Variants in CTNNA3 observed in about 807,000 individuals in gnomAD.
The protein encoded by CTNNA3 is catenin alpha-3.
Under a neutral mutation model 95.7 loss-of-function variants are expected in CTNNA3, and 76 were observed. The ratio of observed to expected loss-of-function variants is 0.79; its 90% CI spans 0.66 to 0.96. The LOEUF is 0.96. Ranked by LOEUF, CTNNA3 falls within the 40% of genes least tolerant of loss-of-function variation. The pLI is 0.00. For missense variants in CTNNA3, 1,191 were observed against 1,089.8 expected (o/e 1.09, Z -1.31); for synonymous variants, 431 against 374.4 (o/e 1.15, Z -1.74).
intron 7 of CTNNA3, among the ~76,000 whole-genome samples, chr10:66,829,612 C>A (rs200596002): frequency 6.9e-4 from 94 of 136,702 alleles, no homozygotes; most frequent in South Asian, 7.3e-4. Flanking sequence ...GACTCTGTCT[C>A]AAAAAAAAAA....
intron 9 of CTNNA3, among the ~76,000 whole-genome samples, chr10:66,638,809 A>T (rs1845421724): frequency 6.6e-6 from 1 of 151,720 alleles, no homozygotes; most frequent in South Asian, 2.1e-4. Flanking sequence ...CCCATTCGTT[A>T]TTCTTGTCAC....
chr10:66,739,467 C>A (rs1160728551), intron 9 of CTNNA3, among the ~76,000 whole-genome samples: 1 of 152,176 alleles, frequency 6.6e-6, no homozygotes, highest in Non-Finnish European at 1.5e-5. Context: ...TGTATTTTCA[C>A]AGCTATCCCA....
chr10:66,244,326 C>G (rs1589834169), intron 13 of CTNNA3, among the ~76,000 whole-genome samples: 1 of 152,220 alleles, frequency 6.6e-6, no homozygotes, highest in South Asian at 2.1e-4. Context: ...GAACTTTCCA[C>G]CCGGAAGGGA....
chr10:66,651,800 G>GGCCCTTGATCGCCGCACACAGCAGC (rs138035312), intron 9 of CTNNA3, among the ~76,000 whole-genome samples: 27 of 151,348 alleles, frequency 1.8e-4, no homozygotes, highest in Non-Finnish European at 8.8e-5. Flanking sequence ...AACCCGCATT[G>GGCCCTTGATCGCCGCACACAGCAGC]GCCGGTTCCC....
At chr10:65,986,852 T>TTA (rs2078439067) in intron 16 of CTNNA3, among the ~76,000 whole-genome samples, 1 of 144,338 alleles carries the variant, frequency 6.9e-6, no homozygotes, top group Non-Finnish European at 1.5e-5. Flanking sequence ...GTACTGGCAT[T>TTA]AAAAAAAAAA....
chr10:66,020,342 C>G (rs897516618), intron 15 of CTNNA3, among the ~76,000 whole-genome samples: 2 of 152,112 alleles, frequency 1.3e-5, no homozygotes, highest in African/African-American at 2.4e-5. Flanking sequence ...TGGGAAGAGA[C>G]TGCTTTTGCA....
At chr10:66,997,351 TTTC>T (rs1851411450) in intron 7 of CTNNA3, among the ~76,000 whole-genome samples, 1 of 152,218 alleles carries the variant, frequency 6.6e-6, no homozygotes, top group Non-Finnish European at 1.5e-5. Flanking sequence ...CCACAAATTC[TTTC>T]TTGTTTGTAA....
chr10:67,749,734 A>C (rs1186898096), intron 1 of CTNNA3, among the ~76,000 whole-genome samples: 4 of 152,204 alleles, frequency 2.6e-5, no homozygotes, highest in Non-Finnish European at 5.9e-5. Flanking sequence ...TTGACACCCT[A>C]ACATCACAAC....
At chr10:66,294,886 CAGAGAGAGAGAGAG>C (rs35664400) in intron 12 of CTNNA3, among the ~76,000 whole-genome samples, 1 of 142,392 alleles carries the variant, frequency 7.0e-6, no homozygotes, top group African/African-American at 2.5e-5. Flanking sequence ...ACAGTCAGGA[CAGAGAGAGAGAGAG>C]AGAGAGAGAG....
chr10:67,528,938 A>G (rs1840232176), intron 4 of CTNNA3, among the ~76,000 whole-genome samples: 2 of 152,186 alleles, frequency 1.3e-5, no homozygotes, highest in Non-Finnish European at 2.9e-5. Context: ...GAATAATCTC[A>G]AGAGATCTAT....
intron 10 of CTNNA3, among the ~76,000 whole-genome samples, chr10:66,548,396 T>C (rs938224487): frequency 5.9e-5 from 9 of 152,162 alleles, no homozygotes; most frequent in Admixed American, 4.6e-4. Context: ...TTTCTCTACA[T>C]TAAATTATTT....
chr10:66,039,816 A>G (rs563281712), intron 15 of CTNNA3, among the ~76,000 whole-genome samples: 1 of 152,314 alleles, frequency 6.6e-6, no homozygotes, highest in African/African-American at 2.4e-5. Flanking sequence ...GGACATATGA[A>G]CGGGCAAAGA....
intron 10 of CTNNA3, among the ~76,000 whole-genome samples, chr10:66,594,967 C>T (rs1843663664): frequency 6.6e-6 from 1 of 152,096 alleles, no homozygotes; most frequent in South Asian, 2.1e-4. Context: ...CATATAAGAA[C>T]TACATGCATG....
intron 3 of CTNNA3, among the ~76,000 whole-genome samples, chr10:67,562,404 T>C (rs542969897): frequency 3.3e-5 from 5 of 152,296 alleles, no homozygotes; most frequent in East Asian, 3.9e-4. Context: ...ATTATCTTAA[T>C]AGATGCAGAA....
chr10:67,370,170 T>C (rs1044726739), intron 5 of CTNNA3, among the ~76,000 whole-genome samples: 86 of 152,292 alleles, frequency 5.6e-4, no homozygotes, highest in African/African-American at 1.9e-3. Context: ...GTCTATATAA[T>C]TGAATACTAT....
At chr10:67,677,016 T>TA (rs11372239) in intron 1 of CTNNA3, among the ~76,000 whole-genome samples, 13,304 of 152,164 alleles carry the variant, frequency 0.087, 1,337 homozygotes, top group African/African-American at 0.25. Flanking sequence ...TAACAACAGA[T>TA]ACATTGTAAA....
intron 7 of CTNNA3, among the ~76,000 whole-genome samples, chr10:67,157,071 TA>T (rs1861342867): frequency 6.6e-6 from 1 of 152,168 alleles, no homozygotes; most frequent in East Asian, 1.9e-4. Context: ...TTGACTTCTG[TA>T]AAACATAGTA....
Position 66,202,304 on chromosome 10 carries a change from C to T in CTNNA3, c.1884+78166G>A, listed in dbSNP as rs553338371. Among the ~76,000 whole-genome samples, 44 of 152,286 alleles carry T rather than the reference C, an allele frequency of 2.9e-4. No homozygotes were observed. In the South Asian group the frequency reaches 6.8e-3, roughly 24 times the overall value. ...AAACCTAAATGGAATTGTAAACAGACGGTAGCCTCCTCTTGTGTCAATCAC... is the reference window on the plus strand; with the variant it reads ...AAACCTAAATGGAATTGTAAACAGATGGTAGCCTCCTCTTGTGTCAATCAC... On this transcript the variant is annotated intron_variant, in intron 13 of 17. Coordinates refer to ENST00000433211, the MANE Select transcript of CTNNA3 (RefSeq NM_013266.4).
intron 11 of CTNNA3, among the ~76,000 whole-genome samples, chr10:66,435,796 G>T (rs576243929): frequency 4.6e-5 from 7 of 152,196 alleles, no homozygotes; most frequent in African/African-American, 1.7e-4. Context: ...GATCTTTCCT[G>T]CTTTCTCCTG....
Sources: allele counts gnomAD v4.1 joint callset (sites outside exome capture counted in the v4.1 genomes callset), GRCh38; gene constraint gnomAD v4.1.1; transcripts MANE v1.5; gene names NCBI Gene and HGNC (gene_info 2026-07-23, HGNC 2026-07-21).